Variants in ARHGAP8 observed in about 807,000 individuals in gnomAD.
ARHGAP8 encodes rho GTPase-activating protein 8.
ARHGAP8 carries 62 observed loss-of-function variants against 46.1 expected under a neutral mutation model. That is an observed-to-expected ratio of 1.34 (90% confidence interval 1.10 to 1.66). The LOEUF is 1.66. Among genes scored for constraint, ARHGAP8 ranks in the 40% most tolerant of loss-of-function variants. The pLI is 0.00. For synonymous variants in ARHGAP8, 375 were observed against 243.1 expected (o/e 1.54, Z -5.05); for missense variants, 923 against 568.4 (o/e 1.62, Z -6.34).
intron 3 of ARHGAP8, 79 bp downstream of exon 3, chr22:44,802,243 G>A (rs1602197639): frequency 6.4e-7 from 1 of 1,558,320 alleles, no homozygotes; most frequent in Middle Eastern, 1.7e-4. Context: ...ACCTCACTCT[G>A]AGTCATCTGC....
At chr22:44,861,775 C>G (rs1396468716) in intron 11 of ARHGAP8, among the ~76,000 whole-genome samples, 2 of 152,180 alleles carry the variant, frequency 1.3e-5, no homozygotes, top group African/African-American at 2.4e-5. Flanking sequence ...GGAGTAATGA[C>G]TCCCCCGTGC....
At chr22:44,834,020 T>C (rs770132163) in intron 7 of ARHGAP8, among the ~76,000 whole-genome samples, 1 of 152,198 alleles carries the variant, frequency 6.6e-6, no homozygotes, top group Non-Finnish European at 1.5e-5. Context: ...CTGATTTTAG[T>C]AATTTGAATC....
intron 1 of ARHGAP8, among the ~76,000 whole-genome samples, chr22:44,757,165 C>T (rs776984845): frequency 1.3e-5 from 2 of 152,160 alleles, no homozygotes; most frequent in Admixed American, 6.6e-5. Flanking sequence ...ATCCTCCCAT[C>T]TTGGCCCCCC....
intron 1 of ARHGAP8, among the ~76,000 whole-genome samples, chr22:44,754,262 A>C (rs115220698): frequency 5.3e-5 from 8 of 151,964 alleles, no homozygotes; most frequent in Admixed American, 5.2e-4. Context: ...CTTGTGAGGT[A>C]CGGGTGGAAA....
At chr22:44,840,896 G>A (rs993596424) in intron 7 of ARHGAP8, among the ~76,000 whole-genome samples, 7 of 152,224 alleles carry the variant, frequency 4.6e-5, no homozygotes, top group Non-Finnish European at 7.3e-5. Flanking sequence ...AGGTGAGCCA[G>A]GCCTTTGGGG....
chr22:44,809,462 C>T (rs551004711), intron 4 of ARHGAP8: 39 of 344,890 alleles, frequency 1.1e-4, no homozygotes, highest in African/African-American at 8.2e-4. Flanking sequence ...CTTTCACAGC[C>T]CTTTACAGTC....
intron 7 of ARHGAP8, among the ~76,000 whole-genome samples, chr22:44,832,735 T>G (rs1315916919): frequency 6.6e-6 from 1 of 152,152 alleles, no homozygotes; most frequent in East Asian, 1.9e-4. Context: ...TTCAACCTAT[T>G]GCCTTTTATT....
chr22:44,859,905 C>T (rs2070384641), intron 11 of ARHGAP8, 71 bp downstream of exon 11: 14 of 1,527,666 alleles, frequency 9.2e-6, no homozygotes, highest in South Asian at 2.4e-5. Flanking sequence ...CCGCATGGAC[C>T]AGTCCCCTCC....
chr22:44,756,726 T>C (rs1924713167), intron 1 of ARHGAP8, among the ~76,000 whole-genome samples: 1 of 151,810 alleles, frequency 6.6e-6, no homozygotes, highest in Admixed American at 6.6e-5. Flanking sequence ...GTTGAATCCC[T>C]TTTCTAAAAA....
intron 11 of ARHGAP8, among the ~76,000 whole-genome samples, chr22:44,860,436 G>C (rs1176342695): frequency 6.6e-6 from 1 of 151,972 alleles, no homozygotes; most frequent in Non-Finnish European, 1.5e-5. Flanking sequence ...GCCTTTGTCT[G>C]TGTGTGTGTC....
At chr22:44,778,549 G>A (rs184887037) in intron 1 of ARHGAP8, among the ~76,000 whole-genome samples, 43 of 152,238 alleles carry the variant, frequency 2.8e-4, no homozygotes, top group African/African-American at 8.9e-4. Context: ...ACCCAGTAGC[G>A]GGATTGCTGG....
chr22:44,767,887 G>A lies in ARHGAP8; in HGVS notation c.-72+15260G>A, dbSNP rs868096446. ...GACCCCATCTCAAAAAAAAAAAAAA[G>A]AAAATTTAAAAATGACATCAACATT... On this transcript the variant is annotated intron_variant, in intron 1 of 11. Coordinates refer to ENST00000356099, the MANE Select transcript of ARHGAP8 (RefSeq NM_181335.3). 7.7e-3 allele frequency among the ~76,000 whole-genome samples: 959 copies of A among 124,810 alleles called. 10 individuals carry two copies. The highest frequency in any genetic ancestry group is 0.027 in the African/African-American group (923 of 34,412). 81.9% of individuals were successfully genotyped at this position (124,810 alleles called of 152,430 possible).
At chr22:44,798,057 A>T (rs1046518486) in intron 2 of ARHGAP8, among the ~76,000 whole-genome samples, 14 of 149,670 alleles carry the variant, frequency 9.4e-5, no homozygotes, top group Admixed American at 4.0e-4. Context: ...GCTCACTGCA[A>T]CCTCCACCTC....
At chr22:44,813,882 C>A (rs1929547542) in intron 4 of ARHGAP8, among the ~76,000 whole-genome samples, 1 of 152,192 alleles carries the variant, frequency 6.6e-6, no homozygotes, top group African/African-American at 2.4e-5. Context: ...CAATTGGCTT[C>A]CAAAAATTCC....
At chr22:44,834,422 A>G (rs1008316802) in intron 7 of ARHGAP8, among the ~76,000 whole-genome samples, 1 of 151,940 alleles carries the variant, frequency 6.6e-6, no homozygotes, top group Non-Finnish European at 1.5e-5. Context: ...AAATTTTCAC[A>G]TATCTGTTTT....
intron 4 of ARHGAP8, among the ~76,000 whole-genome samples, chr22:44,813,332 G>T (rs1390255399): frequency 6.7e-6 from 1 of 149,258 alleles, no homozygotes; most frequent in East Asian, 2.1e-4. Flanking sequence ...CATACATACA[G>T]ACACCTACAT....
intron 7 of ARHGAP8, among the ~76,000 whole-genome samples, chr22:44,841,375 G>A (rs1931642267): frequency 6.6e-6 from 1 of 152,148 alleles, no homozygotes; most frequent in Non-Finnish European, 1.5e-5. Context: ...ACCCTGGGAG[G>A]CAGGTGCTAG....
chr22:44,862,198 C>A, intron 11 of ARHGAP8, 77 bp from the exon 12 acceptor site: 1 of 1,516,602 alleles, frequency 6.6e-7, no homozygotes, highest in East Asian at 2.3e-5. Flanking sequence ...ACGCCTCTCC[C>A]TAAGTTCGGG....
At chr22:44,854,023 TCAAAAAAAAAAAAAAAA>T (rs1415753112) in intron 10 of ARHGAP8, among the ~76,000 whole-genome samples, 2 of 24,898 alleles carry the variant, frequency 8.0e-5, no homozygotes, top group Admixed American at 8.0e-4. Flanking sequence ...AGACTCTGTC[TCAAAAAAAAAAAAAAAA>T]AAAAAAAAAA....
Sources: allele counts gnomAD v4.1 joint callset (sites outside exome capture counted in the v4.1 genomes callset), GRCh38; gene constraint gnomAD v4.1.1; transcripts MANE v1.5; gene names NCBI Gene and HGNC (gene_info 2026-07-23, HGNC 2026-07-21).